The following WIPF3 variants were observed in gnomAD, a reference collection of about 807,000 sequenced individuals.
The protein encoded by WIPF3 is WAS/WASL interacting protein family member 3, also known as WAS/WASL-interacting protein family member 3.
A neutral mutation model predicts 38.9 loss-of-function variants in WIPF3; 33 were observed. That is an observed-to-expected ratio of 0.85 (90% CI 0.64 to 1.14). The LOEUF (loss-of-function observed/expected upper bound fraction) is 1.14. Among genes scored for constraint, WIPF3 ranks in the 50% most tolerant of loss-of-function variants. The pLI is 0.00. For synonymous variants in WIPF3, 324 were observed against 269.3 expected (o/e 1.20, Z -1.99); for missense variants, 711 against 652.5 (o/e 1.09, Z -0.98).
intron 8 of WIPF3, among the ~76,000 whole-genome samples, chr7:29,912,933 T>C (rs1239596240): frequency 6.6e-6 from 1 of 152,228 alleles, no homozygotes; most frequent in East Asian, 1.9e-4. Context: ...TGAGAGGTAT[T>C]GTTTAATGGG....
chr7:29,871,920 C>G (rs1011011497), intron 2 of WIPF3, among the ~76,000 whole-genome samples: 5 of 152,174 alleles, frequency 3.3e-5, no homozygotes, highest in African/African-American at 1.2e-4. Context: ...GGATTCTGGG[C>G]TGTCTTTTTT....
chr7:29,905,046 T>C (rs1017593954), intron 8 of WIPF3: 1 of 152,294 alleles, frequency 6.6e-6, no homozygotes, highest in Non-Finnish European at 1.5e-5. Context: ...TTCTGAATAC[T>C]ATGTGACAGA....
At chr7:29,872,395 C>T (rs1018323625) in intron 2 of WIPF3, among the ~76,000 whole-genome samples, 1 of 152,108 alleles carries the variant, frequency 6.6e-6, no homozygotes, top group African/African-American at 2.4e-5. Context: ...TCCTTTTGTG[C>T]AAAACCAATT....
In WIPF3 at chr7:29,883,878, C is replaced by T. The variant is rs751405692; in HGVS notation, c.384C>T (p.Ser128=). 6.4e-7 allele frequency: 1 copy of T among 1,567,552 alleles called. No individual in the cohort carries two copies. Among genetic ancestry groups the T allele is most frequent in the Non-Finnish European group, 8.7e-7 (1 of 1,153,118 alleles). The part of the protein sequence containing the change: ...AGGKTGQGPG[S]RAPSPRLPNK... Reference sequence around the variant, plus strand: ...GCAAGACAGGGCAGGGCCCTGGCTCCCGCGCGCCCTCTCCCAGGCTTCCCA... The same window carrying T: ...GCAAGACAGGGCAGGGCCCTGGCTCTCGCGCGCCCTCTCCCAGGCTTCCCA... Residue 128 remains serine (S), a synonymous_variant, in exon 5 of 9, where the codon TCC becomes TCT. Transcript: ENST00000242140.
At chr7:29,832,946 A>G (rs1320238224) in intron 1 of WIPF3, among the ~76,000 whole-genome samples, 1 of 152,250 alleles carries the variant, frequency 6.6e-6, no homozygotes, top group East Asian at 1.9e-4. Flanking sequence ...TCAATAGATG[A>G]ATGGCTCAAC....
At chr7:29,871,910 G>A (rs1157211137) in intron 2 of WIPF3, among the ~76,000 whole-genome samples, 1 of 152,166 alleles carries the variant, frequency 6.6e-6, no homozygotes, top group East Asian at 1.9e-4. Context: ...CATCTTTTGG[G>A]GATTCTGGGC....
chr7:29,874,632 G>A (rs1785555296), intron 2 of WIPF3, among the ~76,000 whole-genome samples: 1 of 152,158 alleles, frequency 6.6e-6, no homozygotes, highest in Admixed American at 6.5e-5. Context: ...TGGCTGGTAT[G>A]AACCTTATAA....
Position 29,878,960 on chromosome 7 carries a change from G to A in WIPF3, c.224-49G>A, listed in dbSNP as rs1785660938. ...CCATGGTCTGAAATGAGACCTGGCTGCTCAGCTCTGCTCTCAAGTCCTTGC... is the reference window on the plus strand; with the variant it reads ...CCATGGTCTGAAATGAGACCTGGCTACTCAGCTCTGCTCTCAAGTCCTTGC... On this transcript the variant is annotated intron_variant, in intron 3 of 8. Coordinates refer to ENST00000242140, the MANE Select transcript of WIPF3 (RefSeq NM_001080529.3). The surrounding 1 kb of genome is among the most constrained non-coding windows in gnomAD (Gnocchi z 4.0). 1 of 1,552,820 alleles carries A rather than the reference G, an allele frequency of 6.4e-7. No homozygotes were observed. The highest frequency in any genetic ancestry group is 8.8e-7 in the Non-Finnish European group (1 of 1,140,780).
At chr7:29,813,673 G>A (rs1420776450) in intron 1 of WIPF3, among the ~76,000 whole-genome samples, 1 of 152,102 alleles carries the variant, frequency 6.6e-6, no homozygotes, top group Non-Finnish European at 1.5e-5. Flanking sequence ...GTTTTATTGA[G>A]CTATAATTCA....
chr7:29,885,395 C>G (rs1452769288), intron 5 of WIPF3, among the ~76,000 whole-genome samples: 1 of 152,218 alleles, frequency 6.6e-6, no homozygotes, highest in Non-Finnish European at 1.5e-5. Flanking sequence ...CACACATCCA[C>G]ATGCACACCC....
At chr7:29,824,937 A>G (rs1279171329) in intron 1 of WIPF3, among the ~76,000 whole-genome samples, 4 of 152,190 alleles carry the variant, frequency 2.6e-5, no homozygotes, top group Non-Finnish European at 5.9e-5. Context: ...AACTAACCTA[A>G]AGTCGCACCC....
At chr7:29,842,427 C>A (rs1784927102) in intron 2 of WIPF3, among the ~76,000 whole-genome samples, 1 of 152,166 alleles carries the variant, frequency 6.6e-6, no homozygotes, top group Admixed American at 6.5e-5. Context: ...TCATAGAATG[C>A]TGAAGGGAGA....
chr7:29,897,345 G>C (rs1786167880), intron 7 of WIPF3, among the ~76,000 whole-genome samples: 1 of 152,182 alleles, frequency 6.6e-6, no homozygotes. Flanking sequence ...AGAATTGCTG[G>C]ATCGTATGGT....
rs558447157 is a variant in WIPF3 at position 29,807,152 on chromosome 7, G to A, written c.-58+474G>A. Among the ~76,000 whole-genome samples, 8 of 152,180 alleles carry A rather than the reference G, an allele frequency of 5.3e-5. No individual in the cohort carries two copies. In the East Asian group the frequency reaches 1.6e-3, roughly 30 times the overall value. On this transcript the variant is annotated intron_variant, in intron 1 of 8. Transcript: ENST00000242140. ...GCTGGGGCGGAGTAAAAGAGAGCTAGGAAATTGCAGAGCCGGAGGTGGCTT... is the reference window on the plus strand; with the variant it reads ...GCTGGGGCGGAGTAAAAGAGAGCTAAGAAATTGCAGAGCCGGAGGTGGCTT...
At chr7:29,834,552 T>C (rs1583595878) in intron 1 of WIPF3, 116 bp from the exon 2 acceptor site, 1 of 945,924 alleles carries the variant, frequency 1.1e-6, no homozygotes, top group East Asian at 3.8e-5. Context: ...AATGAGTGAA[T>C]GAATGAACAG....
At chr7:29,849,421 A>G (rs1785055983) in intron 2 of WIPF3, among the ~76,000 whole-genome samples, 1 of 152,222 alleles carries the variant, frequency 6.6e-6, no homozygotes. Flanking sequence ...CTGCCCTTGT[A>G]CAAGGACATC....
At chr7:29,834,955 CT>C in intron 2 of WIPF3, 141 bp downstream of exon 2, 1 of 1,030,372 alleles carries the variant, frequency 9.7e-7, no homozygotes, top group Non-Finnish European at 1.4e-6. Context: ...GATCTGGCAG[CT>C]TTAGAGTCTG....
chr7:29,822,085 A>G (rs1053490163), intron 1 of WIPF3, among the ~76,000 whole-genome samples: 1 of 127,576 alleles, frequency 7.8e-6, no homozygotes, highest in Non-Finnish European at 1.7e-5. Flanking sequence ...TTTACTTATC[A>G]TCGTTCTTTT....
chr7:29,899,444 C>T (rs142618842), intron 7 of WIPF3, among the ~76,000 whole-genome samples: 38 of 152,372 alleles, frequency 2.5e-4, no homozygotes, highest in African/African-American at 8.2e-4. Flanking sequence ...CTCCGCAGTA[C>T]AGTGTAAGGC....
Sources: gnomAD v4.1 joint callset for allele counts (sites outside exome capture counted in the v4.1 genomes callset) on GRCh38, gnomAD v4.1.1 for gene constraint, Gnocchi (gnomAD v3.1) non-coding constraint, MANE v1.5 for transcripts, NCBI Gene and HGNC (gene_info 2026-07-23, HGNC 2026-07-21) for gene names.